The following FUBP3 variants were observed in gnomAD, a reference collection of about 807,000 sequenced individuals.
The protein encoded by FUBP3 is far upstream element binding protein 3.
FUBP3 carries 28 observed loss-of-function variants against 85.6 expected under a neutral mutation model. That is an observed-to-expected ratio of 0.33 (90% CI 0.24 to 0.45). The LOEUF (loss-of-function observed/expected upper bound fraction) is 0.45, where lower values mean the gene tolerates loss of function less well. Among genes scored for constraint, FUBP3 ranks in the 20% least tolerant of loss-of-function variants. The pLI, the probability that FUBP3 is intolerant of heterozygous loss-of-function variation, is 1.00. For synonymous variants in FUBP3, 271 were observed against 271.4 expected, an observed-to-expected ratio of 1.00 and a Z score of 0.01; for missense variants, 583 against 755.1, an observed-to-expected ratio of 0.77 and a Z score of 2.67.
chr9:130,632,350 C>G, intron 16 of FUBP3, 72 bp downstream of exon 16: 1 of 1,176,904 alleles, frequency 8.5e-7, no homozygotes, highest in South Asian at 1.3e-5. Context: ...GGGGCCAAAA[C>G]GCCCTCGTTC....
At chr9:130,581,934 A>G (rs1363003227) in intron 1 of FUBP3, 1 of 152,188 alleles carries the variant, frequency 6.6e-6, no homozygotes, top group African/African-American at 2.4e-5. Context: ...CACCTTATCA[A>G]CTAGGCTTTC....
chr9:130,604,111 T>A (rs1831302223), intron 2 of FUBP3, among the ~76,000 whole-genome samples: 1 of 152,198 alleles, frequency 6.6e-6, no homozygotes, highest in South Asian at 2.1e-4. Flanking sequence ...CAGGGAATTA[T>A]GCCGAGTGCC....
intron 2 of FUBP3, among the ~76,000 whole-genome samples, chr9:130,603,059 AAGG>A (rs748102803): frequency 4.8e-4 from 73 of 152,116 alleles, no homozygotes; most frequent in Non-Finnish European, 7.4e-4. Context: ...AGAAACAGTG[AAGG>A]GAGGCTGGGC....
At position 130,632,879 on chromosome 9, in the gene FUBP3, A is replaced by G. The variant is rs571788013; in HGVS notation, c.1510+601A>G. On this transcript the variant is annotated intron_variant, in intron 16 of 18. Coordinates refer to ENST00000319725, the MANE Select transcript of FUBP3 (RefSeq NM_003934.2). ...CACTGTTGGGTTTCAGAGCTGGTCT[A>G]GCCCCTCTGGCATGGCCTTCACAAA... Among the ~76,000 whole-genome samples the G allele has an allele frequency of 4.6e-5, 7 of 152,404 alleles. No individual in the cohort carries two copies. In the South Asian group the frequency reaches 6.2e-4, roughly 14 times the overall value.
chr9:130,628,073 G>T (rs1035411473), intron 12 of FUBP3, among the ~76,000 whole-genome samples: 1 of 148,854 alleles, frequency 6.7e-6, no homozygotes, highest in Non-Finnish European at 1.5e-5. Context: ...CACACACACC[G>T]CACTAAACAC....
intron 6 of FUBP3, 116 bp downstream of exon 6, chr9:130,614,461 C>T (rs766046703): frequency 6.4e-6 from 4 of 626,360 alleles, no homozygotes; most frequent in Admixed American, 2.5e-5. Context: ...TCTGGCCACA[C>T]AGGTAGATAA....
intron 1 of FUBP3, chr9:130,582,060 T>A (rs1488561576): frequency 6.6e-6 from 1 of 152,230 alleles, no homozygotes; most frequent in Non-Finnish European, 1.5e-5. Context: ...TCTGAAGATG[T>A]CAAATAAAAT....
At position 130,616,339 on chromosome 9, in the gene FUBP3, CT is replaced by C; in HGVS notation, c.405-12del. The stretch of plus-strand genomic sequence containing the variant: ...ATTTAATGCTGGTTCTCTTGTGGTT[CT>C]TTTCCCTCCCAAAGACAAGCCAAAC... On this transcript the variant is annotated splice_polypyrimidine_tract_variant and intron_variant, in intron 6 of 18. Transcript: ENST00000319725. The surrounding 1 kb of genome is among the most constrained non-coding windows in gnomAD (Gnocchi z 4.7). 1 of 1,613,532 alleles carries C rather than the reference CT, an allele frequency of 6.2e-7. No homozygotes were observed. Among genetic ancestry groups the C allele is most frequent in the South Asian group, 1.1e-5 (1 of 91,066 alleles).
rs113638192 is a variant in FUBP3, at chr9:130,601,801, A to ATTT, written c.190+6229_190+6231dup. Among the ~76,000 whole-genome samples, 14 of 117,376 alleles carry ATTT rather than the reference A, an allele frequency of 1.2e-4. 3 individuals are homozygous for ATTT. The highest frequency in any genetic ancestry group is 2.6e-4 in the African/African-American group (8 of 30,568). The allele number at this position is 117,376 out of a possible 152,430, so 77.0% of individuals were successfully genotyped here. On this transcript the variant is annotated intron_variant, in intron 2 of 18. Transcript: ENST00000319725. ...ATGGAAATTTTAGAAATAATTCCTA[A>ATTT]TTTTTTTTTTTTTTTTTTGAGATGG...
chr9:130,616,471 T>C lies in FUBP3; in HGVS notation c.521T>C (p.Val174Ala). 6.2e-7 allele frequency: 1 copy of C among 1,613,956 alleles called. No homozygotes were observed. The highest frequency in any genetic ancestry group is 8.5e-7 in the Non-Finnish European group (1 of 1,179,940). Residue 174 changes from valine to alanine, a missense_variant, in exon 7 of 19, where the codon GTG (valine) becomes GCG (alanine). Physicochemically the swap from Val to Ala is moderately conservative, Grantham distance 64. Transcript: ENST00000319725. This position sits in a 1 kb window ranked among gnomAD's most constrained non-coding sequence, Gnocchi z 4.7. ...IQEILIPASK[V>A]GLVIGRGGET... ...GAGATTCTCATTCCCGCATCTAAAGTGGGTCTGGTCATCGGCAGAGGAGGG... is the reference window on the plus strand; with the variant it reads ...GAGATTCTCATTCCCGCATCTAAAGCGGGTCTGGTCATCGGCAGAGGAGGG...
At chr9:130,608,370 A>G (rs534098256) in intron 2 of FUBP3, among the ~76,000 whole-genome samples, 2 of 152,330 alleles carry the variant, frequency 1.3e-5, no homozygotes, top group African/African-American at 4.8e-5. Context: ...ACCCATAAAT[A>G]GGAACAGCTA....
intron 1 of FUBP3, among the ~76,000 whole-genome samples, chr9:130,589,703 ATATTTT>A (rs1445431788): frequency 3.1e-4 from 9 of 28,586 alleles, no homozygotes; most frequent in African/African-American, 1.8e-3. Flanking sequence ...ATATATATAT[ATATTTT>A]TTTTTTTTTT....
chr9:130,603,211 G>C (rs1831243439), intron 2 of FUBP3, among the ~76,000 whole-genome samples: 1 of 152,076 alleles, frequency 6.6e-6, no homozygotes, highest in Non-Finnish European at 1.5e-5. Flanking sequence ...GCTGGATGTG[G>C]TGGCGTGCAC....
At chr9:130,608,282 T>C (rs1394219950) in intron 2 of FUBP3, among the ~76,000 whole-genome samples, 1 of 152,160 alleles carries the variant, frequency 6.6e-6, no homozygotes, top group Non-Finnish European at 1.5e-5. Context: ...TTTCAAGACA[T>C]TTTAGTTCTT....
chr9:130,633,816 A>G (rs1830309762), intron 16 of FUBP3, among the ~76,000 whole-genome samples: 1 of 152,126 alleles, frequency 6.6e-6, no homozygotes, highest in Admixed American at 6.5e-5. Flanking sequence ...GCTGCTCCTC[A>G]GTATGCAGTA....
At chr9:130,598,774 A>G (rs1362001221) in intron 2 of FUBP3, among the ~76,000 whole-genome samples, 1 of 152,238 alleles carries the variant, frequency 6.6e-6, no homozygotes, top group African/African-American at 2.4e-5. Context: ...TTTTACAATC[A>G]AGTGAGTGCC....
chr9:130,619,972 C>T (rs1829673335), intron 8 of FUBP3, among the ~76,000 whole-genome samples: 1 of 152,210 alleles, frequency 6.6e-6, no homozygotes, highest in Non-Finnish European at 1.5e-5. Flanking sequence ...TTAGACACCC[C>T]TTCCTGCTAG....
chr9:130,598,776 G>A (rs1043112216), intron 2 of FUBP3, among the ~76,000 whole-genome samples: 2 of 152,192 alleles, frequency 1.3e-5, no homozygotes, highest in Non-Finnish European at 2.9e-5. Flanking sequence ...TTACAATCAA[G>A]TGAGTGCCAT....
chr9:130,632,914 A>C (rs1830272283), intron 16 of FUBP3, among the ~76,000 whole-genome samples: 1 of 152,246 alleles, frequency 6.6e-6, no homozygotes, highest in African/African-American at 2.4e-5. Context: ...AGCAAAGCAG[A>C]ACCCTTACCT....
Sources: gnomAD v4.1 joint callset for allele counts (sites outside exome capture counted in the v4.1 genomes callset) on GRCh38, gnomAD v4.1.1 for gene constraint, Gnocchi (gnomAD v3.1) non-coding constraint, MANE v1.5 for transcripts, NCBI Gene and HGNC (gene_info 2026-07-23, HGNC 2026-07-21) for gene names.